The following ADAMTSL1 variants were observed in gnomAD, a reference collection of about 807,000 sequenced individuals.
The protein encoded by ADAMTSL1 is ADAMTS-like protein 1.
ADAMTSL1 carries 126 observed loss-of-function variants against 201.8 expected under a neutral mutation model. The ratio of observed to expected loss-of-function variants is 0.62; its 90% CI spans 0.54 to 0.72. The LOEUF (loss-of-function observed/expected upper bound fraction) is 0.72, where lower values mean the gene tolerates loss of function less well. ADAMTSL1 is among the 30% of genes least tolerant of loss of function. The pLI is 0.00. For missense variants in ADAMTSL1, 2,679 were observed against 2,277.8 expected (o/e 1.18, Z -3.59); for synonymous variants, 1,121 against 903.4 (o/e 1.24, Z -4.32).
At chr9:18,554,192 C>T (rs1021637048) in intron 3 of ADAMTSL1, among the ~76,000 whole-genome samples, 4 of 151,234 alleles carry the variant, frequency 2.6e-5, no homozygotes, top group Non-Finnish European at 4.4e-5. Flanking sequence ...CATGATGACA[C>T]CTGTTCTTTG....
At chr9:18,366,159 T>G (rs541697720) in intron 2 of ADAMTSL1, among the ~76,000 whole-genome samples, 15 of 152,274 alleles carry the variant, frequency 9.9e-5, no homozygotes, top group African/African-American at 2.9e-4. Flanking sequence ...GAGGTTCCTT[T>G]GAATGCAACG....
In ADAMTSL1 at chr9:18,417,359, G is replaced by T. The variant is rs1277145464; in HGVS notation, c.208-87470G>T. On this transcript the variant is annotated intron_variant, in intron 2 of 29. Transcript: ENST00000680146. The stretch of plus-strand genomic sequence containing the variant: ...AAATAAAGGCTAAATGAGAACTAAA[G>T]TAAGCAGGAAAAAAAAAAAAAAGAA... 7.3e-5 allele frequency among the ~76,000 whole-genome samples: 6 copies of T among 82,664 alleles called. No homozygotes were observed. In the South Asian group the frequency reaches 2.7e-3, roughly 37 times the overall value. The allele number at this position is 82,664 out of a possible 152,430, so 54.2% of individuals were successfully genotyped here.
chr9:18,244,931 A>G (rs753978587), intron 2 of ADAMTSL1, among the ~76,000 whole-genome samples: 1 of 152,170 alleles, frequency 6.6e-6, no homozygotes, highest in Non-Finnish European at 1.5e-5. Flanking sequence ...CCCATAGATT[A>G]TTGTTTGATG....
At position 18,777,749 on chromosome 9, in the gene ADAMTSL1, C is replaced by G; in HGVS notation, c.3520C>G (p.Gln1174Glu). 1 of 1,613,722 alleles carries G rather than the reference C, an allele frequency of 6.2e-7. No individual in the cohort carries two copies. Among genetic ancestry groups the G allele is most frequent in the Non-Finnish European group, 8.5e-7 (1 of 1,179,844 alleles). The change falls in exon 19 of 29, where the codon CAG (glutamine) becomes GAG (glutamate). Residue 1174 changes from glutamine (Q) to glutamate (E), a missense_variant. Coordinates refer to ENST00000380548, the MANE Select transcript of ADAMTSL1 (RefSeq NM_001040272.6). ...PTILRKISAA[Q>E]QLSASEVVTH... ...CATCCTGCGCAAGATCTCAGCGGCC[C>G]AGCAGCTCTCAGCCTCGGAGGTGGT...
At chr9:18,581,229 C>T (rs547208973) in intron 4 of ADAMTSL1, among the ~76,000 whole-genome samples, 26 of 152,286 alleles carry the variant, frequency 1.7e-4, no homozygotes, top group African/African-American at 5.5e-4. Flanking sequence ...GCATTCTACC[C>T]TCTGTGTCTG....
intron 2 of ADAMTSL1, among the ~76,000 whole-genome samples, chr9:18,239,901 T>G (rs1830996619): frequency 6.6e-6 from 1 of 152,196 alleles, no homozygotes; most frequent in Non-Finnish European, 1.5e-5. Flanking sequence ...AGCCACATAT[T>G]CAGGCTCCAT....
intron 4 of ADAMTSL1, among the ~76,000 whole-genome samples, chr9:18,583,932 C>T (rs542060348): frequency 7.9e-5 from 12 of 152,286 alleles, no homozygotes; most frequent in Admixed American, 5.2e-4. Context: ...AAATAACTAA[C>T]GTGCTTTTGA....
intron 1 of ADAMTSL1, among the ~76,000 whole-genome samples, chr9:18,030,555 A>C (rs1223760104): frequency 6.6e-6 from 1 of 151,672 alleles, no homozygotes; most frequent in Non-Finnish European, 1.5e-5. Flanking sequence ...GTATAATATT[A>C]ATAAAAAGAA....
At chr9:18,202,868 T>C (rs1218246892) in intron 2 of ADAMTSL1, among the ~76,000 whole-genome samples, 1 of 150,666 alleles carries the variant, frequency 6.6e-6, no homozygotes, top group African/African-American at 2.5e-5. Flanking sequence ...AATAAACAGA[T>C]TGTCAGATGA....
At chr9:18,420,728 C>T (rs1818906712) in intron 2 of ADAMTSL1, among the ~76,000 whole-genome samples, 1 of 152,200 alleles carries the variant, frequency 6.6e-6, no homozygotes, top group Non-Finnish European at 1.5e-5. Context: ...AAGCTCTTTA[C>T]AGTTTGCTGA....
intron 1 of ADAMTSL1, among the ~76,000 whole-genome samples, chr9:17,918,374 T>G (rs956653339): frequency 1.4e-4 from 22 of 151,816 alleles, no homozygotes; most frequent in African/African-American, 5.3e-4. Flanking sequence ...CTTATAACCT[T>G]TTATTTCTTC....
intron 2 of ADAMTSL1, among the ~76,000 whole-genome samples, chr9:18,515,298 A>T (rs567652224): frequency 6.6e-6 from 1 of 152,260 alleles, no homozygotes; most frequent in African/African-American, 2.4e-5. Context: ...TCCCTGAAAA[A>T]GTAGAGGTTA....
At chr9:18,329,141 A>G (rs7021072) in intron 2 of ADAMTSL1, among the ~76,000 whole-genome samples, 16,797 of 151,986 alleles carry the variant, frequency 0.11, 2,831 homozygotes, top group African/African-American at 0.37. Context: ...TATAAAAGAG[A>G]CCACAGAGAG....
At chr9:18,752,818 A>T (rs1819540157) in intron 15 of ADAMTSL1, among the ~76,000 whole-genome samples, 1 of 152,210 alleles carries the variant, frequency 6.6e-6, no homozygotes, top group African/African-American at 2.4e-5. Flanking sequence ...TGGAACTTTA[A>T]AGGAAGCTGG....
chr9:18,675,874 T>C lies in ADAMTSL1; in HGVS notation c.1103T>C (p.Ile368Thr). ...CCTAACAGTGACGGATACAAGCAGA[T>C]CATGCCTTATGACCTCTACCATCCC... ...PCPASDGYKQ[I>T]MPYDLYHPLP... Residue 368 changes from isoleucine (I) to threonine (T), a missense_variant, in exon 10 of 29, where the codon ATC (isoleucine) becomes ACC (threonine). Coordinates refer to ENST00000380548, the MANE Select transcript of ADAMTSL1 (RefSeq NM_001040272.6). The C allele has an allele frequency of 6.2e-7, 1 of 1,613,284 alleles. No homozygotes were observed. Among genetic ancestry groups the C allele is most frequent in the Non-Finnish European group, 8.5e-7 (1 of 1,179,370 alleles).
intron 2 of ADAMTSL1, among the ~76,000 whole-genome samples, chr9:18,518,593 A>C (rs1587437972): frequency 6.6e-6 from 1 of 152,134 alleles, no homozygotes; most frequent in African/African-American, 2.4e-5. Context: ...TATTGTGAAT[A>C]GTGCTGCAAT....
chr9:18,039,857 A>T (rs2131630994), intron 1 of ADAMTSL1, among the ~76,000 whole-genome samples: 1 of 152,258 alleles, frequency 6.6e-6, no homozygotes, highest in Middle Eastern at 3.4e-3. Context: ...AATTCTGAGG[A>T]CATTTGTGTA....
Position 18,906,919 on chromosome 9 carries a change from T to C in ADAMTSL1, c.5182+7T>C, listed in dbSNP as rs760999517. 6.2e-7 allele frequency: 1 copy of C among 1,613,788 alleles called. No homozygotes were observed. Among genetic ancestry groups the C allele is most frequent in the Non-Finnish European group, 8.5e-7 (1 of 1,179,766 alleles). On this transcript the variant is annotated splice_region_variant and intron_variant, in intron 28 of 28. Transcript: ENST00000380548. ...ATCACCCCATGTGAAAACAGTATGTTCCAACCCCAAAGAACCTTCTGCAAA... is the reference window on the plus strand; with the variant it reads ...ATCACCCCATGTGAAAACAGTATGTCCCAACCCCAAAGAACCTTCTGCAAA...
rs188339331 is a variant in ADAMTSL1, at chr9:18,820,384, A to G, written c.3934+3147A>G. ...TGTTGTTTTCTTATTATAAAATATTAGAGTATTAAAGAAATTTTAGAAAAC... is the reference window on the plus strand; with the variant it reads ...TGTTGTTTTCTTATTATAAAATATTGGAGTATTAAAGAAATTTTAGAAAAC... On this transcript the variant is annotated intron_variant, in intron 21 of 28. Transcript: ENST00000380548. Among the ~76,000 whole-genome samples the G allele has an allele frequency of 3.3e-5, 5 of 152,344 alleles. 1 individual carries two copies. Among genetic ancestry groups the G allele is most frequent in the African/African-American group, 1.2e-4 (5 of 41,582 alleles).
Sources: allele counts gnomAD v4.1 joint callset (sites outside exome capture counted in the v4.1 genomes callset), GRCh38; gene constraint gnomAD v4.1.1; transcripts MANE v1.5; gene names NCBI Gene and HGNC (gene_info 2026-07-23, HGNC 2026-07-21).